FAT3: variants seen among roughly 807,000 people sequenced by gnomAD.
The protein encoded by FAT3 is FAT atypical cadherin 3, also known as protocadherin Fat 3.
A neutral mutation model predicts 310.2 loss-of-function variants in FAT3; 95 were observed. That is an observed-to-expected ratio of 0.31 (90% CI 0.26 to 0.36). FAT3 has a LOEUF of 0.36. Ranked by LOEUF, FAT3 falls within the 10% of genes least tolerant of loss-of-function variation. The pLI, the probability that FAT3 is intolerant of heterozygous loss-of-function variation, is 1.00. For missense variants in FAT3, 5,408 were observed against 5,715.6 expected (o/e 0.95, Z 1.74); for synonymous variants, 2,314 against 2,192.9 (o/e 1.06, Z -1.54).
At chr11:92,666,374 C>T (rs1257578087) in intron 3 of FAT3, among the ~76,000 whole-genome samples, 10 of 137,748 alleles carry the variant, frequency 7.3e-5, no homozygotes, top group South Asian at 2.2e-4. Flanking sequence ...TTTTTTGAGA[C>T]GGAATCTCGC....
chr11:92,356,576 G>A (rs903392925), intron 2 of FAT3, among the ~76,000 whole-genome samples: 6 of 152,128 alleles, frequency 3.9e-5, no homozygotes, highest in African/African-American at 1.4e-4. Flanking sequence ...CATGTCACAT[G>A]GCAAAGAGAG....
chr11:92,430,084 C>A (rs1450279532), intron 2 of FAT3, among the ~76,000 whole-genome samples: 1 of 152,108 alleles, frequency 6.6e-6, no homozygotes, highest in African/African-American at 2.4e-5. Context: ...CCTTTTCATT[C>A]TTTATTCTCT....
chr11:92,390,215 A>G (rs1161978041), intron 2 of FAT3, among the ~76,000 whole-genome samples: 1 of 152,174 alleles, frequency 6.6e-6, no homozygotes, highest in Non-Finnish European at 1.5e-5. Flanking sequence ...AGGAAGATCT[A>G]AAAGCTTTCC....
chr11:92,398,455 G>T (rs1180991243), intron 2 of FAT3, among the ~76,000 whole-genome samples: 1 of 134,660 alleles, frequency 7.4e-6, no homozygotes, highest in Non-Finnish European at 1.5e-5. Context: ...GAGCTGGGAT[G>T]ATGCCATTGT....
chr11:92,683,547 C>T (rs950997360), intron 3 of FAT3, among the ~76,000 whole-genome samples: 1 of 152,130 alleles, frequency 6.6e-6, no homozygotes, highest in African/African-American at 2.4e-5. Flanking sequence ...AAGGCTTCAC[C>T]CCTCTGTCCC....
chr11:92,436,515 C>T (rs1950944115), intron 2 of FAT3, among the ~76,000 whole-genome samples: 1 of 152,110 alleles, frequency 6.6e-6, no homozygotes, highest in African/African-American at 2.4e-5. Context: ...AGGTTTCTAC[C>T]CTGTAGACTT....
At chr11:92,535,193 G>A (rs1278780163) in intron 3 of FAT3, among the ~76,000 whole-genome samples, 5 of 152,084 alleles carry the variant, frequency 3.3e-5, no homozygotes, top group Non-Finnish European at 7.4e-5. Flanking sequence ...TTGTGTTGGA[G>A]GCCCCAACAA....
At chr11:92,301,186 A>G (rs1041796384) in intron 1 of FAT3, among the ~76,000 whole-genome samples, 8 of 152,152 alleles carry the variant, frequency 5.3e-5, no homozygotes, top group Non-Finnish European at 7.3e-5. Flanking sequence ...ACACTCACAT[A>G]GGGGTTACAT....
chr11:92,245,697 C>T (rs1864870768), intron 1 of FAT3, among the ~76,000 whole-genome samples: 1 of 152,018 alleles, frequency 6.6e-6, no homozygotes, highest in Admixed American at 6.6e-5. Context: ...TGAAAGCAGC[C>T]ATAAACAATA....
chr11:92,648,684 C>G (rs1187472009), intron 3 of FAT3, among the ~76,000 whole-genome samples: 1 of 152,190 alleles, frequency 6.6e-6, no homozygotes. Context: ...ATGCTCATCT[C>G]CACCTCAGTT....
At chr11:92,478,181 A>T (rs1052862824) in intron 2 of FAT3, among the ~76,000 whole-genome samples, 1 of 152,196 alleles carries the variant, frequency 6.6e-6, no homozygotes, top group African/African-American at 2.4e-5. Flanking sequence ...CAAGATATTT[A>T]TTTCAAAGAA....
intron 2 of FAT3, among the ~76,000 whole-genome samples, chr11:92,372,582 T>G (rs1352655248): frequency 1.3e-5 from 2 of 152,168 alleles, no homozygotes; most frequent in Non-Finnish European, 2.9e-5. Flanking sequence ...GTGATCCCTC[T>G]GTCTCTGGAA....
At chr11:92,705,414 G>A (rs1170955300) in intron 4 of FAT3, among the ~76,000 whole-genome samples, 1 of 78,030 alleles carries the variant, frequency 1.3e-5, no homozygotes, top group African/African-American at 4.7e-5. Context: ...TGGTGGTGAT[G>A]GTGGTAGTGG....
chr11:92,413,140 T>A (rs1950333782), intron 2 of FAT3, among the ~76,000 whole-genome samples: 1 of 152,152 alleles, frequency 6.6e-6, no homozygotes, highest in South Asian at 2.1e-4. Context: ...TCTTACAGTT[T>A]CCATAATTTT....
intron 1 of FAT3, among the ~76,000 whole-genome samples, chr11:92,332,180 C>T (rs1361437842): frequency 1.3e-5 from 2 of 152,196 alleles, no homozygotes; most frequent in Non-Finnish European, 2.9e-5. Context: ...GAGCTTCCTC[C>T]AGTTGAACTA....
intron 2 of FAT3, among the ~76,000 whole-genome samples, chr11:92,420,534 A>T (rs1028732117): frequency 2.6e-5 from 4 of 152,188 alleles, no homozygotes; most frequent in African/African-American, 9.6e-5. Context: ...AGGATTCAGC[A>T]GTTCCAGAAG....
At position 92,352,790 on chromosome 11, in the gene FAT3, G is replaced by T. The variant is rs369161695; in HGVS notation, c.678G>T (p.Arg226Ser). 3.1e-6 allele frequency: 5 copies of T among 1,613,740 alleles called. No homozygotes were observed. In the African/African-American group the frequency reaches 6.7e-5, roughly 22 times the overall value. ...SGRLNYDEKN[R>S]YDLEILAVDR... ...GATTAAATTATGATGAAAAGAATAG[G>T]TATGATCTGGAAATTTTGGCTGTGG... Residue 226 changes from arginine (R) to serine (S), a missense_variant, in exon 2 of 28, where the codon AGG becomes AGT. By Grantham distance (110) the Arg-to-Ser change is moderately radical. This residue lies in a region of FAT3 where 4,588 missense variants were observed against 4,809.8 expected (regional missense o/e 0.95). Transcript: ENST00000525166.
intron 4 of FAT3, among the ~76,000 whole-genome samples, chr11:92,698,473 A>G (rs1034063947): frequency 3.9e-5 from 6 of 152,192 alleles, no homozygotes; most frequent in African/African-American, 7.2e-5. Context: ...TTCCCCTACT[A>G]TGAAATTTGG....
intron 3 of FAT3, among the ~76,000 whole-genome samples, chr11:92,604,636 C>T (rs1940188326): frequency 6.6e-6 from 1 of 152,192 alleles, no homozygotes; most frequent in Non-Finnish European, 1.5e-5. Context: ...CGTCACCTTA[C>T]TCTGTCTATA....
Sources: gnomAD v4.1 joint callset for allele counts (sites outside exome capture counted in the v4.1 genomes callset) on GRCh38, gnomAD v4.1.1 for gene constraint, gnomAD v4.1.1 regional missense constraint, MANE v1.5 for transcripts, NCBI Gene and HGNC (gene_info 2026-07-23, HGNC 2026-07-21) for gene names.